The following CEP128 variants were observed in gnomAD, a reference collection of about 807,000 sequenced individuals.
CEP128 encodes centrosomal protein 128.
Under a neutral mutation model 156.7 loss-of-function variants are expected in CEP128, and 132 were observed. That is an observed-to-expected ratio of 0.84 (90% CI 0.73 to 0.97). The LOEUF (loss-of-function observed/expected upper bound fraction) is 0.97, where lower values mean the gene tolerates loss of function less well. CEP128 is among the 50% of genes least tolerant of loss of function. The pLI is 0.00. For missense variants in CEP128, 1,252 were observed against 1,281.9 expected (o/e 0.98, Z 0.36); for synonymous variants, 469 against 448.9 (o/e 1.04, Z -0.57).
Position 80,584,767 on chromosome 14 carries a change from T to C in CEP128, c.2807-4344A>G, listed in dbSNP as rs145029308. On this transcript the variant is annotated intron_variant, in intron 19 of 24. Transcript: ENST00000555265. ...GCGTGATTAGTATCTTTCATTATAA[T>C]GAACAATCTTGTTGTTTGTTCTTAT... Among the ~76,000 whole-genome samples the C allele has an allele frequency of 6.6e-5, 10 of 152,336 alleles. No individual in the cohort carries two copies. The East Asian group carries it at 1.9e-3, about 29-fold the overall frequency.
rs367625783 is a variant in CEP128, at chr14:80,898,884, G to A, written c.572+1054C>T. Reference sequence around the variant, plus strand: ...AAATGATTTTGAACCACCATATACCGTAAGTGATAAAGAACAGAGGCTTTG... The same window carrying A: ...AAATGATTTTGAACCACCATATACCATAAGTGATAAAGAACAGAGGCTTTG... On this transcript the variant is annotated intron_variant, in intron 7 of 24. Coordinates refer to ENST00000555265, the MANE Select transcript of CEP128 (RefSeq NM_152446.5). 5.4e-4 allele frequency among the ~76,000 whole-genome samples: 82 copies of A among 152,208 alleles called. 1 individual carries two copies. The highest frequency in any genetic ancestry group is 7.2e-4 in the Non-Finnish European group (49 of 68,018).
chr14:80,662,888 T>C (rs1806298656), intron 19 of CEP128, among the ~76,000 whole-genome samples: 1 of 152,166 alleles, frequency 6.6e-6, no homozygotes, highest in South Asian at 2.1e-4. Flanking sequence ...CAAATGTAGC[T>C]ACCAAGTACC....
At chr14:80,582,580 C>T (rs989474062) in intron 19 of CEP128, among the ~76,000 whole-genome samples, 1 of 151,882 alleles carries the variant, frequency 6.6e-6, no homozygotes, top group African/African-American at 2.4e-5. Context: ...TTGCCTACTG[C>T]TTGGCTAGGG....
intron 21 of CEP128, among the ~76,000 whole-genome samples, chr14:80,535,385 A>T (rs1889436793): frequency 6.6e-6 from 1 of 152,246 alleles, no homozygotes; most frequent in Non-Finnish European, 1.5e-5. Context: ...GTACATTGCA[A>T]CTAGAAGCTA....
At chr14:80,934,837 C>T (rs1305497563) in intron 2 of CEP128, among the ~76,000 whole-genome samples, 1 of 151,794 alleles carries the variant, frequency 6.6e-6, no homozygotes, top group Non-Finnish European at 1.5e-5. Flanking sequence ...AATTTTTTTT[C>T]TGTAAAATTA....
At chr14:80,755,854 G>A (rs1899631839) in intron 18 of CEP128, among the ~76,000 whole-genome samples, 2 of 152,174 alleles carry the variant, frequency 1.3e-5, no homozygotes, top group South Asian at 4.1e-4. Context: ...CGTTTACACT[G>A]TAGAAGGAAC....
intron 14 of CEP128, among the ~76,000 whole-genome samples, chr14:80,478,657 G>C (rs1486353482): frequency 1.3e-5 from 2 of 152,048 alleles, no homozygotes; most frequent in African/African-American, 4.8e-5. Flanking sequence ...AACCTCATAG[G>C]GTTGTTGTGA....
In CEP128 at chr14:80,905,936, G is replaced by T; in HGVS notation, c.361+19C>A. On this transcript the variant is annotated intron_variant, in intron 5 of 24. Coordinates refer to ENST00000555265, the MANE Select transcript of CEP128 (RefSeq NM_152446.5). ...TCAAAAATATTTTTAATGTTTTTCA[G>T]AACATTTGAAGTGTTTACCTGACCC... 6.2e-7 allele frequency: 1 copy of T among 1,601,832 alleles called. No individual in the cohort carries two copies. Among genetic ancestry groups the T allele is most frequent in the South Asian group, 1.1e-5 (1 of 87,870 alleles).
At chr14:80,765,842 CCCA>C (rs1900210373) in intron 16 of CEP128, among the ~76,000 whole-genome samples, 1 of 152,160 alleles carries the variant, frequency 6.6e-6, no homozygotes, top group South Asian at 2.1e-4. Context: ...TAAATACAAC[CCCA>C]TAACCTGATC....
intron 19 of CEP128, among the ~76,000 whole-genome samples, chr14:80,619,844 G>A (rs148888753): frequency 6.6e-6 from 1 of 152,232 alleles, no homozygotes; most frequent in Non-Finnish European, 1.5e-5. Context: ...GAATGAGTAG[G>A]CCAGGTATGG....
intron 19 of CEP128, among the ~76,000 whole-genome samples, chr14:80,704,931 C>A (rs922433411): frequency 6.6e-6 from 1 of 152,040 alleles, no homozygotes; most frequent in African/African-American, 2.4e-5. Context: ...ATCATCAATG[C>A]ATGACCAATC....
intron 23 of CEP128, among the ~76,000 whole-genome samples, chr14:80,507,495 A>G (rs1888034346): frequency 6.6e-6 from 1 of 152,226 alleles, no homozygotes; most frequent in Non-Finnish European, 1.5e-5. Context: ...TGCAAGATGT[A>G]TAGATGGAGA....
At chr14:80,742,346 T>G (rs544912597) in intron 19 of CEP128, among the ~76,000 whole-genome samples, 1 of 152,186 alleles carries the variant, frequency 6.6e-6, no homozygotes, top group Admixed American at 6.5e-5. Context: ...TCGAATCTCC[T>G]GTGAGTCCTC....
chr14:80,937,826 T>A (rs1885898755), intron 2 of CEP128, among the ~76,000 whole-genome samples: 1 of 152,158 alleles, frequency 6.6e-6, no homozygotes, highest in Non-Finnish European at 1.5e-5. Context: ...TATTTTTATA[T>A]TATTTCCAAA....
intron 13 of CEP128, among the ~76,000 whole-genome samples, chr14:80,826,105 CAAAAAA>C (rs397700906): frequency 1.4e-5 from 1 of 70,488 alleles, no homozygotes; most frequent in Non-Finnish European, 3.0e-5. Flanking sequence ...GATTCTGTCT[CAAAAAA>C]AAAAAAAAAA....
At chr14:80,633,451 C>T (rs1894049758) in intron 19 of CEP128, among the ~76,000 whole-genome samples, 1 of 152,164 alleles carries the variant, frequency 6.6e-6, no homozygotes, top group Non-Finnish European at 1.5e-5. Context: ...ACAAGCTCTC[C>T]TGTTTCTGTT....
intron 8 of CEP128, among the ~76,000 whole-genome samples, chr14:80,864,494 C>A (rs1595516897): frequency 6.6e-6 from 1 of 152,080 alleles, no homozygotes; most frequent in East Asian, 1.9e-4. Context: ...TAGACATCAG[C>A]AACTTTGTCA....
rs60895994 is a variant in CEP128, at chr14:80,647,037, GTATATATA to G, written c.2807-66622_2807-66615del. 8.3e-3 allele frequency among the ~76,000 whole-genome samples: 576 copies of G among 69,556 alleles called. 27 individuals are homozygous for G. Among genetic ancestry groups the G allele is most frequent in the East Asian group, 0.025 (61 of 2,422 alleles). 45.6% of individuals were successfully genotyped at this position (69,556 alleles called of 152,430 possible). A position where few individuals can be genotyped will look rare whatever the true frequency, so the allele number is the denominator to read the frequency against. Reference sequence around the variant, plus strand: ...TGTGTGTGTATATATATGTGTGCATGTATATATATATATATATATATATATATATATAT... The same window carrying G: ...TGTGTGTGTATATATATGTGTGCATGTATATATATATATATATATATATAT... On this transcript the variant is annotated intron_variant, in intron 19 of 24. Coordinates refer to ENST00000555265, the MANE Select transcript of CEP128 (RefSeq NM_152446.5).
chr14:80,619,543 T>C (rs1480914535), intron 19 of CEP128, among the ~76,000 whole-genome samples: 2 of 150,142 alleles, frequency 1.3e-5, no homozygotes, highest in Non-Finnish European at 3.0e-5. Flanking sequence ...CTACTAAAAA[T>C]ACAAAAAAAT....
Sources: gnomAD v4.1 joint callset for allele counts (sites outside exome capture counted in the v4.1 genomes callset) on GRCh38, gnomAD v4.1.1 for gene constraint, MANE v1.5 for transcripts, NCBI Gene and HGNC (gene_info 2026-07-23, HGNC 2026-07-21) for gene names.